RASSF1: variants seen among roughly 807,000 people sequenced by gnomAD.
RASSF1 encodes the protein Ras association domain family member 1, also known as ras association domain-containing protein 1.
RASSF1 carries 33 observed loss-of-function variants against 34.3 expected under a neutral mutation model. That is an observed-to-expected ratio of 0.96 (90% CI 0.73 to 1.29). The LOEUF (loss-of-function observed/expected upper bound fraction) is 1.29, where lower values mean the gene tolerates loss of function less well. Among genes scored for constraint, RASSF1 ranks in the 50% most tolerant of loss-of-function variants. The pLI is 0.00. For synonymous variants in RASSF1, 191 were observed against 195.0 expected (o/e 0.98, Z 0.17); for missense variants, 445 against 471.8 (o/e 0.94, Z 0.53).
chr3:50,337,379 C>CGCGT (rs1165412093), intron 2 of RASSF1: 8 of 1,596,494 alleles, frequency 5.0e-6, no homozygotes, highest in African/African-American at 4.0e-5. Flanking sequence ...CCGCCCCGGT[C>CGCGT]GCGTGCGTGC....
At chr3:50,337,455 C>G in intron 2 of RASSF1, 1 of 1,567,646 alleles carries the variant, frequency 6.4e-7, no homozygotes, top group Non-Finnish European at 8.6e-7. Flanking sequence ...AAGACTGAAA[C>G]GTAGATCGCC....
chr3:50,337,731 G>C (rs1703210464), intron 2 of RASSF1, 174 bp downstream of exon 2: 2 of 861,984 alleles, frequency 2.3e-6, no homozygotes, highest in African/African-American at 1.7e-5. Flanking sequence ...TACTTGCGGA[G>C]CCGGCAATCC....
Position 50,331,333 on chromosome 3 carries a change from C to T in RASSF1, c.876+1G>A, listed in dbSNP as rs778470574. On this transcript the variant is annotated splice_donor_variant, in intron 5 of 5. Coordinates refer to ENST00000359365, the MANE Select transcript of RASSF1 (RefSeq NM_007182.5). LOFTEE classifies it high-confidence loss of function. ...CAAGAAACTAAGAACTATGTACTCA[C>T]GTTCACCTCCCCAGAGTCATTTTCC... is the stretch of plus-strand genomic sequence containing the variant. 15 of 1,571,554 alleles carry T rather than the reference C, an allele frequency of 9.5e-6. No individual in the cohort carries two copies. The highest frequency in any genetic ancestry group is 5.5e-5 in the African/African-American group (4 of 73,350).
chr3:50,337,618 C>A (rs928707590), intron 2 of RASSF1: 1 of 1,102,906 alleles, frequency 9.1e-7, no homozygotes, highest in Non-Finnish European at 1.3e-6. Context: ...GGCAAGCGCA[C>A]AAGAGTGGCC....
At chr3:50,336,415 T>C (rs1033494640) in intron 2 of RASSF1, 5 of 152,220 alleles carry the variant, frequency 3.3e-5, no homozygotes, top group Admixed American at 6.5e-5. Context: ...TGGCACACAG[T>C]TCTCCGATAA....
Position 50,340,688 on chromosome 3 carries a change from ACG to A in RASSF1, c.116_117del (p.Ala39ValfsTer90). Reference sequence around the variant, plus strand: ...GGGACCAGCTGCCGTGTGGGGTTGCACGCGGTGCCCCGCGCGATGCGCAGCGC... The same window carrying A: ...GGGACCAGCTGCCGTGTGGGGTTGCACGGTGCCCCGCGCGATGCGCAGCGC... ...ANALRIARGT[A>X]CNPTRQLVPG... On this transcript the variant is annotated frameshift_variant, in exon 1 of 6. Coordinates refer to ENST00000359365, the MANE Select transcript of RASSF1 (RefSeq NM_007182.5). LOFTEE classifies it high-confidence loss of function. 1 of 1,533,228 alleles carries A rather than the reference ACG, an allele frequency of 6.5e-7. No individual in the cohort carries two copies. The allele number at this position is 1,533,228 out of a possible 1,614,324, so 95.0% of individuals were successfully genotyped here.
Position 50,337,398 on chromosome 3 carries a change from G to C in RASSF1, c.357+507C>G, listed in dbSNP as rs1264390174. ...CCCGGTCGCGTGCGTGCGTGTACGC[G>C]TGTCAGTGTGCGCGTGCGCCCGGGC... is the stretch of plus-strand genomic sequence containing the variant. On this transcript the variant is annotated intron_variant, in intron 2 of 5. Transcript: ENST00000359365. The C allele has an allele frequency of 6.3e-6, 10 of 1,589,596 alleles. No individual in the cohort carries two copies. In the South Asian group the frequency reaches 9.0e-5, roughly 14 times the overall value.
In RASSF1 at chr3:50,332,066, T is replaced by G; in HGVS notation, c.446A>C (p.Asn149Thr). Residue 149 changes from asparagine to threonine, a missense_variant, in exon 3 of 6, where the codon AAC (asparagine) becomes ACC (threonine). Physicochemically the swap from Asn to Thr is moderately conservative, Grantham distance 65 (BLOSUM62 0). Coordinates refer to ENST00000359365, the MANE Select transcript of RASSF1 (RefSeq NM_007182.5). Reference sequence around the variant, plus strand: ...TCAACTCACCAAGCTCATGAAGAGGTTGCTGTTGATCTGGGCATTGTACTC... The same window carrying G: ...TCAACTCACCAAGCTCATGAAGAGGGTGCTGTTGATCTGGGCATTGTACTC... ...IKEYNAQINS[N>T]LFMSLNKDGS... 1 of 1,613,978 alleles carries G rather than the reference T, an allele frequency of 6.2e-7. No individual in the cohort carries two copies.
intron 2 of RASSF1, chr3:50,336,885 T>G: frequency 2.1e-6 from 1 of 476,050 alleles, no homozygotes; most frequent in Non-Finnish European, 3.7e-6. Flanking sequence ...GCTTTAGTCA[T>G]AGCTGGATAA....
At position 50,331,805 on chromosome 3, in the gene RASSF1, G is replaced by A. The variant is rs140859290; in HGVS notation, c.514C>T (p.Arg172Cys). The change falls in exon 4 of 6, where the codon CGC (arginine) becomes TGC (cysteine). Residue 172 changes from arginine to cysteine, a missense_variant. By Grantham distance (180) the Arg-to-Cys change is radical. Transcript: ENST00000359365. ...TTGCTGGAGGGCACAGAGACAGGGC[G>A]CACCAGCTTCAGCTGAACCTTGATG... is the stretch of plus-strand genomic sequence containing the variant. The part of the protein sequence containing the change: ...GFIKVQLKLV[R>C]PVSVPSSKKP... 1.3e-4 allele frequency: 204 copies of A among 1,594,896 alleles called. No individual in the cohort carries two copies. The African/African-American group carries it at 2.2e-3, about 17-fold the overall frequency.
chr3:50,329,946 G>A lies in RASSF1; in HGVS notation c.*635C>T, dbSNP rs1553718031. 2 of 152,654 alleles carry A rather than the reference G, an allele frequency of 1.3e-5. No individual in the cohort carries two copies. Among genetic ancestry groups the A allele is most frequent in the Admixed American group, 1.3e-4 (2 of 15,280 alleles). 9.5% of individuals were successfully genotyped at this position (152,654 alleles called of 1,614,324 possible). On this transcript the variant is annotated 3_prime_UTR_variant, in exon 6 of 6. Transcript: ENST00000359365. Reference sequence around the variant, plus strand: ...AAAAACACCTGAGGGAGAGACCCTGGCTTTGATTAGCAAATAAGGTATGAA... The same window carrying A: ...AAAAACACCTGAGGGAGAGACCCTGACTTTGATTAGCAAATAAGGTATGAA...
chr3:50,337,553 G>A lies in RASSF1; in HGVS notation c.357+352C>T, dbSNP rs997751847. On this transcript the variant is annotated intron_variant, in intron 2 of 5. Transcript: ENST00000359365. Reference sequence around the variant, plus strand: ...CCAGGAATGACCTCATCGCTCCGGAGCTCCACTCACAGACCCCACCTACCA... The same window carrying A: ...CCAGGAATGACCTCATCGCTCCGGAACTCCACTCACAGACCCCACCTACCA... 3 of 1,473,134 alleles carry A rather than the reference G, an allele frequency of 2.0e-6. No individual in the cohort carries two copies. In the African/African-American group the frequency reaches 4.2e-5, roughly 21 times the overall value. The allele number at this position is 1,473,134 out of a possible 1,614,324, so 91.3% of individuals were successfully genotyped here.
chr3:50,339,169 T>A (rs1271763187), intron 1 of RASSF1, among the ~76,000 whole-genome samples: 2 of 152,188 alleles, frequency 1.3e-5, no homozygotes, highest in African/African-American at 4.8e-5. Flanking sequence ...GCCTCACTGC[T>A]ACACTTGCCC....
At position 50,337,529 on chromosome 3, in the gene RASSF1, C is replaced by T. The variant is rs1170869646; in HGVS notation, c.357+376G>A. 3 of 1,509,224 alleles carry T rather than the reference C, an allele frequency of 2.0e-6. No homozygotes were observed. In the Admixed American group the frequency reaches 6.0e-5, roughly 30 times the overall value. 93.5% of individuals were successfully genotyped at this position (1,509,224 alleles called of 1,614,324 possible). A position where few individuals can be genotyped will look rare whatever the true frequency, so the allele number is the denominator to read the frequency against. On this transcript the variant is annotated intron_variant, in intron 2 of 5. Coordinates refer to ENST00000359365, the MANE Select transcript of RASSF1 (RefSeq NM_007182.5). Reference sequence around the variant, plus strand: ...GGCGGGGACACGCACGCTTCGCCCCCAGGAATGACCTCATCGCTCCGGAGC... The same window carrying T: ...GGCGGGGACACGCACGCTTCGCCCCTAGGAATGACCTCATCGCTCCGGAGC...
chr3:50,337,561 C>T (rs768644230), intron 2 of RASSF1: 2 of 1,430,370 alleles, frequency 1.4e-6, no homozygotes, highest in South Asian at 1.3e-5. Flanking sequence ...GAGCTCCACT[C>T]ACAGACCCCA....
chr3:50,337,710 A>C, intron 2 of RASSF1, 195 bp downstream of exon 2: 1 of 834,188 alleles, frequency 1.2e-6, no homozygotes, highest in Non-Finnish European at 1.9e-6. Flanking sequence ...GTCCGCTTGC[A>C]GCGGGTGGAG....
At chr3:50,339,488 C>G (rs924357697) in intron 1 of RASSF1, among the ~76,000 whole-genome samples, 1 of 151,470 alleles carries the variant, frequency 6.6e-6, no homozygotes, top group Non-Finnish European at 1.5e-5. Context: ...ACCTCAGCCT[C>G]CCGAGTAGCT....
rs1702888099 is a variant in RASSF1 at position 50,330,343 on chromosome 3, G to A, written c.*238C>T. ...GCTGCAGGCCTGGAGCAGCTTCTCA[G>A]GGCAGCCCTGGCCCACTAAGGCCCA... On this transcript the variant is annotated 3_prime_UTR_variant, in exon 6 of 6. Coordinates refer to ENST00000359365, the MANE Select transcript of RASSF1 (RefSeq NM_007182.5). The surrounding 1 kb of genome is among the most constrained non-coding windows in gnomAD (Gnocchi z 4.5). The A allele has an allele frequency of 3.9e-6, 2 of 511,194 alleles. No individual in the cohort carries two copies. The highest frequency in any genetic ancestry group is 6.9e-6 in the Non-Finnish European group (2 of 291,878). The allele number at this position is 511,194 out of a possible 1,614,324, so 31.7% of individuals were successfully genotyped here. A position where few individuals can be genotyped will look rare whatever the true frequency, so the allele number is the denominator to read the frequency against.
intron 1 of RASSF1, 47 bp from the exon 2 acceptor site, chr3:50,338,058 A>G: frequency 2.6e-6 from 4 of 1,542,530 alleles, no homozygotes; most frequent in Non-Finnish European, 3.5e-6. Context: ...AGGTCGGGGA[A>G]ATGTCCCGGA....
Sources: allele counts gnomAD v4.1 joint callset (sites outside exome capture counted in the v4.1 genomes callset), GRCh38; gene constraint gnomAD v4.1.1; non-coding constraint Gnocchi (gnomAD v3.1); transcripts MANE v1.5; gene names NCBI Gene and HGNC (gene_info 2026-07-23, HGNC 2026-07-21).